PBX3: variants seen among roughly 807,000 people sequenced by gnomAD.
The protein encoded by PBX3 is pre-B-cell leukemia transcription factor 3.
Under a neutral mutation model 48.5 loss-of-function variants are expected in PBX3, and 14 were observed. That is an observed-to-expected ratio of 0.29 (90% CI 0.19 to 0.45). The LOEUF (loss-of-function observed/expected upper bound fraction) is 0.45, where lower values mean the gene tolerates loss of function less well. Among genes scored for constraint, PBX3 ranks in the 20% least tolerant of loss-of-function variants. The pLI, the probability that PBX3 is intolerant of heterozygous loss-of-function variation, is 1.00. For missense variants in PBX3, 386 were observed against 546.7 expected (o/e 0.71, Z 2.93); for synonymous variants, 210 against 200.3 (o/e 1.05, Z -0.41).
Position 125,935,571 on chromosome 9 carries a change from G to A in PBX3, c.807G>A (p.Glu269=). ...SNPYPSEEAK[E]ELAKKCSITV... ...CCTACCCCAGTGAAGAAGCCAAAGA[G>A]GAGCTGGCCAAGAAATGCAGCATCA... Residue 269 remains glutamate, a synonymous_variant, in exon 5 of 9, where the codon GAG becomes GAA. Transcript: ENST00000373489. The A allele has an allele frequency of 6.2e-7, 1 of 1,613,842 alleles. No individual in the cohort carries two copies. The highest frequency in any genetic ancestry group is 1.1e-5 in the South Asian group (1 of 91,060).
At chr9:125,763,367 A>G (rs1836720618) in intron 2 of PBX3, among the ~76,000 whole-genome samples, 3 of 152,246 alleles carry the variant, frequency 2.0e-5, no homozygotes, top group Non-Finnish European at 4.4e-5. Flanking sequence ...GAACAAAAAG[A>G]TATTGTTACC....
intron 2 of PBX3, among the ~76,000 whole-genome samples, chr9:125,839,304 ATTG>A (rs750367783): frequency 2.2e-4 from 33 of 152,234 alleles, no homozygotes; most frequent in Non-Finnish European, 4.4e-4. Flanking sequence ...AATCTCATTC[ATTG>A]TTGTAGATTT....
intron 2 of PBX3, among the ~76,000 whole-genome samples, chr9:125,810,272 T>C (rs1463046437): frequency 6.6e-6 from 1 of 152,170 alleles, no homozygotes; most frequent in East Asian, 1.9e-4. Context: ...TAGGTTAATA[T>C]TTTATAATTC....
At chr9:125,856,692 A>G (rs994566156) in intron 2 of PBX3, among the ~76,000 whole-genome samples, 1 of 152,204 alleles carries the variant, frequency 6.6e-6, no homozygotes, top group Non-Finnish European at 1.5e-5. Flanking sequence ...GTTTGATGTC[A>G]CTGTTAGACA....
At chr9:125,819,793 G>A (rs1049839015) in intron 2 of PBX3, among the ~76,000 whole-genome samples, 2 of 151,960 alleles carry the variant, frequency 1.3e-5, no homozygotes, top group Non-Finnish European at 2.9e-5. Flanking sequence ...ATTTTAGTTA[G>A]AATCTTTTAA....
Position 125,813,347 on chromosome 9 carries a change from A to G in PBX3, c.274+64724A>G, listed in dbSNP as rs183329212. ...TGTGTAAGTAGGGTCATGATCATCA[A>G]AATATCAGTAGGTGATAGGAATTTT... On this transcript the variant is annotated intron_variant, in intron 2 of 8. Transcript: ENST00000373489. Among the ~76,000 whole-genome samples, 312 of 152,306 alleles carry G rather than the reference A, an allele frequency of 2.0e-3. 1 individual carries two copies. Among genetic ancestry groups the G allele is most frequent in the Non-Finnish European group, 3.7e-3 (251 of 68,016 alleles).
intron 2 of PBX3, among the ~76,000 whole-genome samples, chr9:125,899,282 T>C (rs1840861470): frequency 8.2e-6 from 1 of 121,584 alleles, no homozygotes; most frequent in African/African-American, 3.2e-5. Flanking sequence ...TACATATGTA[T>C]ATATATTTAT....
intron 5 of PBX3, among the ~76,000 whole-genome samples, chr9:125,947,423 G>T (rs1174262687): frequency 6.6e-6 from 1 of 152,100 alleles, no homozygotes; most frequent in African/African-American, 2.4e-5. Flanking sequence ...GATGGCAAAA[G>T]TACCAATTAG....
chr9:125,933,823 T>C (rs1409550694), intron 4 of PBX3, among the ~76,000 whole-genome samples: 1 of 152,180 alleles, frequency 6.6e-6, no homozygotes, highest in African/African-American at 2.4e-5. Context: ...ATAAATAATG[T>C]CTATGGGCCA....
intron 2 of PBX3, among the ~76,000 whole-genome samples, chr9:125,777,739 ATTACT>A (rs373785678): frequency 1.3e-3 from 200 of 152,066 alleles, no homozygotes; most frequent in African/African-American, 4.7e-3. Flanking sequence ...AGATTTTTTG[ATTACT>A]TTACTCTCTT....
chr9:125,813,332 G>A (rs1838351877), intron 2 of PBX3, among the ~76,000 whole-genome samples: 1 of 151,982 alleles, frequency 6.6e-6, no homozygotes, highest in Non-Finnish European at 1.5e-5. Flanking sequence ...TGTGTAAGTA[G>A]GGTCATGATC....
intron 8 of PBX3, among the ~76,000 whole-genome samples, chr9:125,965,538 G>A (rs1431124063): frequency 1.3e-5 from 2 of 152,196 alleles, no homozygotes; most frequent in East Asian, 3.8e-4. Flanking sequence ...TTCTTTTTGA[G>A]TCACTTTAGT....
At chr9:125,791,297 GTCTGTCTATCTATCTA>G (rs1330690687) in intron 2 of PBX3, among the ~76,000 whole-genome samples, 78 of 128,056 alleles carry the variant, frequency 6.1e-4, no homozygotes, top group East Asian at 4.6e-3. Context: ...CTGTCTGTCT[GTCTGTCTATCTATCTA>G]TCTATCTATC....
chr9:125,837,154 T>C (rs1397739754), intron 2 of PBX3, among the ~76,000 whole-genome samples: 1 of 152,116 alleles, frequency 6.6e-6, no homozygotes, highest in African/African-American at 2.4e-5. Context: ...CTGGTTAAAT[T>C]ATGTTACTCC....
chr9:125,835,834 A>G (rs971436546), intron 2 of PBX3, among the ~76,000 whole-genome samples: 2 of 152,220 alleles, frequency 1.3e-5, no homozygotes, highest in Non-Finnish European at 2.9e-5. Context: ...ATGATCTGGT[A>G]ATCACCCTGC....
chr9:125,774,369 C>G (rs1837017394), intron 2 of PBX3, among the ~76,000 whole-genome samples: 1 of 152,190 alleles, frequency 6.6e-6, no homozygotes, highest in African/African-American at 2.4e-5. Context: ...GGACACAGAT[C>G]CAAACCATGT....
At chr9:125,826,576 GAC>G (rs1171782797) in intron 2 of PBX3, among the ~76,000 whole-genome samples, 8 of 152,048 alleles carry the variant, frequency 5.3e-5, no homozygotes, top group East Asian at 1.9e-4. Context: ...ATTGGGTGAT[GAC>G]ACACACTTTT....
chr9:125,938,758 T>G (rs1290810492), intron 5 of PBX3, among the ~76,000 whole-genome samples: 1 of 152,218 alleles, frequency 6.6e-6, no homozygotes, highest in East Asian at 1.9e-4. Flanking sequence ...TGCAATACTT[T>G]ACCCTAGACT....
chr9:125,927,424 A>T (rs1217103136), intron 3 of PBX3, among the ~76,000 whole-genome samples: 2 of 152,242 alleles, frequency 1.3e-5, no homozygotes, highest in Non-Finnish European at 2.9e-5. Flanking sequence ...AGTGAAATAC[A>T]CAGGGTTCAG....
Sources: allele counts gnomAD v4.1 joint callset (sites outside exome capture counted in the v4.1 genomes callset), GRCh38; gene constraint gnomAD v4.1.1; transcripts MANE v1.5; gene names NCBI Gene and HGNC (gene_info 2026-07-23, HGNC 2026-07-21).